The following EEF1AKMT2 variants were observed in gnomAD, a reference collection of about 807,000 sequenced individuals.
EEF1AKMT2 encodes the protein eukaryotic translation elongation factor 1 alpha lysine methyltransferase 2.
In EEF1AKMT2, 32 loss-of-function variants were observed where a neutral mutation model predicts 35.8. That is an observed-to-expected ratio of 0.89 (90% confidence interval 0.67 to 1.20). The LOEUF is 1.20. EEF1AKMT2 is among the 50% of genes most tolerant of loss of function. EEF1AKMT2 has a pLI of 0.00. For synonymous variants in EEF1AKMT2, 121 were observed against 133.7 expected (o/e 0.91, Z 0.65); for missense variants, 330 against 347.5 (o/e 0.95, Z 0.40).
At chr10:124,791,592 G>C (rs1184334859) in intron 1 of EEF1AKMT2, 132 bp downstream of exon 1, 1 of 1,312,456 alleles carries the variant, frequency 7.6e-7, no homozygotes, top group Non-Finnish European at 1.0e-6. Context: ...CCCCCCGCCA[G>C]GTGGCCCTGC....
chr10:124,776,203 G>T (rs943532617), intron 3 of EEF1AKMT2, among the ~76,000 whole-genome samples: 7 of 152,110 alleles, frequency 4.6e-5, no homozygotes, highest in African/African-American at 1.7e-4. Flanking sequence ...TCCCATGCCT[G>T]TTTATTCTTC....
intron 3 of EEF1AKMT2, among the ~76,000 whole-genome samples, chr10:124,786,359 A>G (rs1950583955): frequency 6.6e-6 from 1 of 151,930 alleles, no homozygotes; most frequent in South Asian, 2.1e-4. Flanking sequence ...ACAAAAAATT[A>G]GCCAGGCGTG....
At chr10:124,763,420 G>T (rs2134120235) in intron 5 of EEF1AKMT2, among the ~76,000 whole-genome samples, 1 of 152,328 alleles carries the variant, frequency 6.6e-6, no homozygotes, top group Non-Finnish European at 1.5e-5. Flanking sequence ...TATGCAAAGA[G>T]AATGTGGCAG....
chr10:124,757,179 C>CAT (rs894676384), downstream of EEF1AKMT2, among the ~76,000 whole-genome samples: 10 of 151,716 alleles, frequency 6.6e-5, no homozygotes, highest in African/African-American at 2.4e-4. Context: ...CACACACACA[C>CAT]ACACACACAC....
At chr10:124,786,948 T>C (rs1046334236) in intron 3 of EEF1AKMT2, among the ~76,000 whole-genome samples, 5 of 151,968 alleles carry the variant, frequency 3.3e-5, no homozygotes, top group African/African-American at 1.2e-4. Flanking sequence ...GAAACTGATA[T>C]AATTGTACAA....
intron 3 of EEF1AKMT2, among the ~76,000 whole-genome samples, chr10:124,786,897 T>C (rs1008428142): frequency 4.6e-5 from 7 of 151,798 alleles, no homozygotes; most frequent in African/African-American, 1.7e-4. Flanking sequence ...AGTAAACTAT[T>C]AAAACCCAAA....
At chr10:124,769,478 G>A (rs1589782413) in intron 4 of EEF1AKMT2, among the ~76,000 whole-genome samples, 1 of 151,860 alleles carries the variant, frequency 6.6e-6, no homozygotes, top group Non-Finnish European at 1.5e-5. Context: ...TGAACAGGCA[G>A]ATTTTACAAG....
chr10:124,791,630 G>A (rs1950635407), intron 1 of EEF1AKMT2, 94 bp downstream of exon 1: 1 of 1,513,526 alleles, frequency 6.6e-7, no homozygotes, highest in Admixed American at 2.0e-5. Context: ...GGGTCTCCCT[G>A]TCCCTGAGCC....
intron 6 of EEF1AKMT2, among the ~76,000 whole-genome samples, chr10:124,761,679 T>C (rs1476829524): frequency 6.6e-6 from 1 of 152,210 alleles, no homozygotes; most frequent in African/African-American, 2.4e-5. Flanking sequence ...TCTACCATGA[T>C]CCTGATTTCT....
chr10:124,781,518 G>A (rs1950539290), intron 3 of EEF1AKMT2, among the ~76,000 whole-genome samples: 1 of 151,010 alleles, frequency 6.6e-6, no homozygotes, highest in Non-Finnish European at 1.5e-5. Context: ...AGGAGGCGAA[G>A]GTTGCAGTGA....
rs1359004083 is a variant in EEF1AKMT2 at position 124,791,798 on chromosome 10, C to T, written c.36G>A (p.Ala12=). 3 of 1,589,984 alleles carry T rather than the reference C, an allele frequency of 1.9e-6. No homozygotes were observed. The South Asian group carries it at 3.4e-5, about 18-fold the overall frequency. ...TGCCCTTGTCCGACCGCGCCGCCAC[C>T]GCAGCGCCACCGCCGCCGTCAGCGC... ...SSGADGGGGA[A]VAARSDKGSP... Residue 12 remains alanine (A), a synonymous_variant, in exon 1 of 7, where the codon GCG becomes GCA. Transcript: ENST00000368836.
At chr10:124,788,702 G>T (rs1950608000) in intron 3 of EEF1AKMT2, among the ~76,000 whole-genome samples, 1 of 44,368 alleles carries the variant, frequency 2.3e-5, no homozygotes, top group Non-Finnish European at 5.5e-5. Flanking sequence ...AATTGCAAAA[G>T]GTCATCTTTA....
chr10:124,789,202 A>G (rs1214847412), intron 2 of EEF1AKMT2, 45 bp from the exon 3 acceptor site: 1 of 1,276,432 alleles, frequency 7.8e-7, no homozygotes, highest in Admixed American at 1.8e-5. Context: ...ACAGAGCAAA[A>G]GTCACCACTA....
At chr10:124,780,619 G>A (rs4962698) in intron 3 of EEF1AKMT2, among the ~76,000 whole-genome samples, 20,950 of 151,520 alleles carry the variant, frequency 0.14, 1,657 homozygotes, top group African/African-American at 0.2. Flanking sequence ...TGGAGCAACA[G>A]AAAAATTGAC....
intron 2 of EEF1AKMT2, among the ~76,000 whole-genome samples, chr10:124,789,512 C>T (rs1950616042): frequency 6.6e-6 from 1 of 152,166 alleles, no homozygotes; most frequent in South Asian, 2.1e-4. Flanking sequence ...TCTCCCAACA[C>T]TTTGGAAGGC....
downstream of EEF1AKMT2, among the ~76,000 whole-genome samples, chr10:124,757,162 C>T (rs1454329116): frequency 7.9e-5 from 8 of 100,990 alleles, no homozygotes; most frequent in South Asian, 3.0e-4. Flanking sequence ...ATCAACACTC[C>T]CTCCCACACA....
intron 1 of EEF1AKMT2, 106 bp downstream of exon 1, chr10:124,791,618 G>A (rs958903897): frequency 6.8e-7 from 1 of 1,479,278 alleles, no homozygotes; most frequent in Non-Finnish European, 9.1e-7. Context: ...TCACGCCCCC[G>A]AGGGTCTCCC....
intron 4 of EEF1AKMT2, among the ~76,000 whole-genome samples, chr10:124,769,946 CAAAAAAAA>C (rs71484588): frequency 1.7e-4 from 10 of 60,216 alleles, no homozygotes; most frequent in East Asian, 5.2e-4. Context: ...AACTCCATCT[CAAAAAAAA>C]AAAAAAAAAA....
intron 4 of EEF1AKMT2, among the ~76,000 whole-genome samples, chr10:124,773,005 G>A (rs1360355479): frequency 6.6e-6 from 1 of 152,106 alleles, no homozygotes; most frequent in African/African-American, 2.4e-5. Flanking sequence ...ATTTTGTTTT[G>A]CATTCACAAC....
Sources: gnomAD v4.1 joint callset for allele counts (sites outside exome capture counted in the v4.1 genomes callset) on GRCh38, gnomAD v4.1.1 for gene constraint, MANE v1.5 for transcripts, NCBI Gene and HGNC (gene_info 2026-07-23, HGNC 2026-07-21) for gene names.